NLK: variants seen among roughly 807,000 people sequenced by gnomAD.
NLK encodes nemo like kinase, also known as serine/threonine-protein kinase NLK.
Under a neutral mutation model 59.0 loss-of-function variants are expected in NLK, and 11 were observed. The ratio of observed to expected loss-of-function variants is 0.19; its 90% confidence interval spans 0.12 to 0.31. NLK has a LOEUF of 0.31. NLK is among the 10% of genes least tolerant of loss of function. The pLI is 1.00. For missense variants in NLK, 410 were observed against 661.1 expected (o/e 0.62, Z 4.16); for synonymous variants, 235 against 235.9 (o/e 1.00, Z 0.03).
intron 3 of NLK, among the ~76,000 whole-genome samples, chr17:28,143,962 G>T (rs1907125594): frequency 6.6e-6 from 1 of 152,142 alleles, no homozygotes; most frequent in South Asian, 2.1e-4. Context: ...GTAATACTTT[G>T]TAAATTCTCC....
At chr17:28,079,409 C>G (rs923161067) in intron 1 of NLK, among the ~76,000 whole-genome samples, 1 of 152,090 alleles carries the variant, frequency 6.6e-6, no homozygotes, top group Admixed American at 6.6e-5. Context: ...ATATGGTAAT[C>G]CTATTTTTAA....
intron 3 of NLK, among the ~76,000 whole-genome samples, chr17:28,145,634 T>G (rs1376670329): frequency 6.6e-6 from 1 of 152,152 alleles, no homozygotes; most frequent in Non-Finnish European, 1.5e-5. Context: ...TGAATAAAGT[T>G]TTTCTCCTTC....
intron 5 of NLK, among the ~76,000 whole-genome samples, chr17:28,167,072 A>G (rs1247401716): frequency 6.6e-6 from 1 of 152,216 alleles, no homozygotes; most frequent in African/African-American, 2.4e-5. Flanking sequence ...AGTAGATTCA[A>G]CTGGAGTCAG....
At chr17:28,049,148 G>C (rs1022136315) in intron 1 of NLK, among the ~76,000 whole-genome samples, 9 of 152,174 alleles carry the variant, frequency 5.9e-5, no homozygotes, top group Admixed American at 5.2e-4. Context: ...GTAGTTGTAA[G>C]GTACCTAGTG....
chr17:28,164,479 G>A lies in NLK; in HGVS notation c.837+851G>A, dbSNP rs80278883. 2.3e-3 allele frequency among the ~76,000 whole-genome samples: 353 copies of A among 151,936 alleles called. 5 individuals carry two copies. The highest frequency in any genetic ancestry group is 7.9e-3 in the African/African-American group (326 of 41,430). On this transcript the variant is annotated intron_variant, in intron 5 of 10. Coordinates refer to ENST00000407008, the MANE Select transcript of NLK (RefSeq NM_016231.5). ...GCCAATTCTTAATTATTCCTCTGAA[G>A]AGGAATTGATTACAGAATTATATTT...
At chr17:28,077,072 T>C (rs1187990416) in intron 1 of NLK, among the ~76,000 whole-genome samples, 252 of 139,416 alleles carry the variant, frequency 1.8e-3, no homozygotes, top group African/African-American at 6.4e-3. Flanking sequence ...TCTCTTTCTT[T>C]CTTTTTTTTT....
downstream of NLK, among the ~76,000 whole-genome samples, chr17:28,199,681 A>AC (rs1402179556): frequency 1.1e-4 from 1 of 9,318 alleles, no homozygotes. Flanking sequence ...AAAAAAAAAA[A>AC]AAACAAAACA....
chr17:28,061,558 T>A (rs529052092), intron 1 of NLK, among the ~76,000 whole-genome samples: 2 of 152,196 alleles, frequency 1.3e-5, no homozygotes, highest in South Asian at 4.1e-4. Context: ...AAGTGGCTAA[T>A]GAGAGTCTGT....
At chr17:28,141,095 A>G (rs1454661361) in intron 3 of NLK, among the ~76,000 whole-genome samples, 1 of 152,218 alleles carries the variant, frequency 6.6e-6, no homozygotes, top group Non-Finnish European at 1.5e-5. Flanking sequence ...TTCATTCTGT[A>G]AGAATTAGAA....
downstream of NLK, among the ~76,000 whole-genome samples, chr17:28,197,995 A>G (rs1909526367): frequency 6.6e-6 from 1 of 152,196 alleles, no homozygotes; most frequent in African/African-American, 2.4e-5. Context: ...CAGTGAACAC[A>G]TGGGGGAAAC....
At chr17:28,166,394 C>CA (rs1908238171) in intron 5 of NLK, among the ~76,000 whole-genome samples, 1 of 152,110 alleles carries the variant, frequency 6.6e-6, no homozygotes, top group Non-Finnish European at 1.5e-5. Context: ...TGTAACCAGA[C>CA]ATAGTAGATT....
chr17:28,084,493 G>A lies in NLK; in HGVS notation c.459-38110G>A, dbSNP rs562926350. On this transcript the variant is annotated intron_variant, in intron 1 of 10. Transcript: ENST00000407008. ...AATCCAAAAAGAGGTGGTAATAGGA[G>A]TAAGTCTTCCAGGCTTCTGAATTGC... is the stretch of plus-strand genomic sequence containing the variant. 2.6e-5 allele frequency among the ~76,000 whole-genome samples: 4 copies of A among 152,174 alleles called. No individual in the cohort carries two copies. In the South Asian group the frequency reaches 6.2e-4, roughly 24 times the overall value.
At chr17:28,091,452 A>G (rs1291878651) in intron 1 of NLK, among the ~76,000 whole-genome samples, 1 of 151,164 alleles carries the variant, frequency 6.6e-6, no homozygotes, top group Non-Finnish European at 1.5e-5. Flanking sequence ...ATTTACACAC[A>G]TGTCTAAAAT....
intron 3 of NLK, among the ~76,000 whole-genome samples, chr17:28,138,746 C>G (rs950982633): frequency 1.3e-5 from 2 of 152,182 alleles, no homozygotes; most frequent in Non-Finnish European, 2.9e-5. Flanking sequence ...TCATTTATTG[C>G]ATAAACATAA....
chr17:28,045,670 T>C (rs1181637422), intron 1 of NLK, among the ~76,000 whole-genome samples: 1 of 152,246 alleles, frequency 6.6e-6, no homozygotes, highest in Non-Finnish European at 1.5e-5. Context: ...AATGACTTGC[T>C]GTCTGAATTC....
intron 1 of NLK, among the ~76,000 whole-genome samples, chr17:28,111,065 C>G (rs983294418): frequency 3.3e-5 from 5 of 152,036 alleles, no homozygotes; most frequent in African/African-American, 4.8e-5. Context: ...AGGATGGTCT[C>G]GATCTCCTGA....
At chr17:28,133,337 G>A (rs940477270) in intron 3 of NLK, among the ~76,000 whole-genome samples, 1 of 152,164 alleles carries the variant, frequency 6.6e-6, no homozygotes, top group Admixed American at 6.5e-5. Flanking sequence ...TAGTAAGTGT[G>A]GGGATGGAGA....
intron 2 of NLK, among the ~76,000 whole-genome samples, chr17:28,126,766 G>A (rs940486591): frequency 1.3e-5 from 2 of 152,164 alleles, no homozygotes; most frequent in Admixed American, 6.5e-5. Context: ...TGGGGAAACA[G>A]AAATGGGTTT....
intron 1 of NLK, among the ~76,000 whole-genome samples, chr17:28,120,277 T>C (rs904951851): frequency 6.6e-6 from 1 of 151,200 alleles, no homozygotes; most frequent in African/African-American, 2.5e-5. Context: ...TGTGTGTATG[T>C]GTGTGTGTAA....
Sources: allele counts gnomAD v4.1 joint callset (sites outside exome capture counted in the v4.1 genomes callset), GRCh38; gene constraint gnomAD v4.1.1; transcripts MANE v1.5; gene names NCBI Gene and HGNC (gene_info 2026-07-23, HGNC 2026-07-21).